The following TANC2 variants were observed in gnomAD, a reference collection of about 807,000 sequenced individuals.
The protein encoded by TANC2 is protein TANC2.
Under a neutral mutation model 210.5 loss-of-function variants are expected in TANC2, and 26 were observed. The ratio of observed to expected loss-of-function variants is 0.12; its 90% CI spans 0.09 to 0.17. The LOEUF (loss-of-function observed/expected upper bound fraction) is 0.17, where lower values mean the gene tolerates loss of function less well. Ranked by LOEUF, TANC2 falls within the 10% of genes least tolerant of loss-of-function variation. TANC2 has a pLI of 1.00. For synonymous variants in TANC2, 931 were observed against 967.1 expected, an observed-to-expected ratio of 0.96 and a Z score of 0.69; for missense variants, 2,129 against 2,608.9, an observed-to-expected ratio of 0.82 and a Z score of 4.01.
At chr17:63,303,584 C>T (rs554259018) in intron 9 of TANC2, among the ~76,000 whole-genome samples, 2 of 152,148 alleles carry the variant, frequency 1.3e-5, no homozygotes, top group South Asian at 2.1e-4. Context: ...TGGGGTTGAT[C>T]GTCTCGTGGA....
chr17:63,185,916 G>A (rs1364689927), intron 5 of TANC2, among the ~76,000 whole-genome samples: 1 of 152,060 alleles, frequency 6.6e-6, no homozygotes, highest in African/African-American at 2.4e-5. Context: ...GGTGTCTTTG[G>A]TGAAAAGATT....
chr17:63,416,594 CCTGA>C lies in TANC2; in HGVS notation c.4167+924_4167+927del, dbSNP rs1568002182. ...GACACTGGAAGGAACCTGAGTTAAA[CCTGA>C]CTGTCTCAGAGAACATAGCCATGAC... is the stretch of plus-strand genomic sequence containing the variant. On this transcript the variant is annotated intron_variant, in intron 26 of 27. Coordinates refer to ENST00000689528, the Ensembl canonical transcript of TANC2. Among the ~76,000 whole-genome samples, 3 of 152,310 alleles carry C rather than the reference CCTGA, an allele frequency of 2.0e-5. No individual in the cohort carries two copies. In the South Asian group the frequency reaches 6.2e-4, roughly 32 times the overall value.
intron 3 of TANC2, chr17:63,088,252 G>C (rs1235052442): frequency 2.0e-5 from 3 of 152,058 alleles, no homozygotes; most frequent in Non-Finnish European, 4.4e-5. Context: ...TTTCTTTCCA[G>C]TGTGACTTTT....
rs190788791 is a variant in TANC2 at position 63,370,795 on chromosome 17, A to G, written c.2583-8923A>G. Reference sequence around the variant, plus strand: ...ACTGGCAGATGGGGGAAGACAAAAAACAGTGGAAGAGTGGAAGATTCTTCT... The same window carrying G: ...ACTGGCAGATGGGGGAAGACAAAAAGCAGTGGAAGAGTGGAAGATTCTTCT... On this transcript the variant is annotated intron_variant, in intron 14 of 27. Transcript: ENST00000689528. Among the ~76,000 whole-genome samples, 40 of 152,302 alleles carry G rather than the reference A, an allele frequency of 2.6e-4. 1 individual carries two copies. Among genetic ancestry groups the G allele is most frequent in the Non-Finnish European group, 4.0e-4 (27 of 68,030 alleles).
At chr17:63,358,372 A>ATGTGT (rs1567949667) in intron 14 of TANC2, among the ~76,000 whole-genome samples, 2 of 114,936 alleles carry the variant, frequency 1.7e-5, no homozygotes, top group African/African-American at 4.0e-5. Flanking sequence ...AGAGAGAGAG[A>ATGTGT]GAGAGTATGT....
At chr17:63,145,977 T>C (rs1051356654) in intron 4 of TANC2, among the ~76,000 whole-genome samples, 2 of 152,178 alleles carry the variant, frequency 1.3e-5, no homozygotes, top group African/African-American at 4.8e-5. Context: ...AGGGATTGCA[T>C]TGAATCTATA....
At chr17:63,269,388 A>G (rs1313961550) in intron 9 of TANC2, among the ~76,000 whole-genome samples, 2 of 152,162 alleles carry the variant, frequency 1.3e-5, no homozygotes, top group Non-Finnish European at 2.9e-5. Context: ...AAGTTGATCA[A>G]GAGACCAAAT....
chr17:63,113,343 C>T (rs533269404), intron 4 of TANC2, among the ~76,000 whole-genome samples: 6 of 152,022 alleles, frequency 3.9e-5, no homozygotes, highest in Non-Finnish European at 7.4e-5. Context: ...AGAGTAACTC[C>T]CTCTCTTAGA....
chr17:63,194,384 C>T (rs533054520), intron 6 of TANC2, among the ~76,000 whole-genome samples: 15 of 152,226 alleles, frequency 9.9e-5, no homozygotes, highest in African/African-American at 2.4e-4. Flanking sequence ...AAAATTGACA[C>T]GTATATAAGC....
At chr17:63,267,452 T>C (rs1233889122) in intron 8 of TANC2, among the ~76,000 whole-genome samples, 2 of 152,168 alleles carry the variant, frequency 1.3e-5, no homozygotes, top group Non-Finnish European at 2.9e-5. Context: ...TTTGTTTTGC[T>C]TTTTGAATAG....
chr17:63,055,174 C>T (rs1421620545), intron 2 of TANC2, among the ~76,000 whole-genome samples: 1 of 152,120 alleles, frequency 6.6e-6, no homozygotes, highest in Non-Finnish European at 1.5e-5. Flanking sequence ...CATAGGAAAT[C>T]ATTATATATG....
chr17:63,031,085 T>C (rs992536733), intron 2 of TANC2, among the ~76,000 whole-genome samples: 1 of 144,308 alleles, frequency 6.9e-6, no homozygotes, highest in Non-Finnish European at 1.5e-5. Context: ...TATAGGATTT[T>C]AGTATCAGAG....
intron 5 of TANC2, among the ~76,000 whole-genome samples, chr17:63,173,067 C>T (rs2040457910): frequency 1.3e-5 from 2 of 152,116 alleles, no homozygotes; most frequent in East Asian, 1.9e-4. Context: ...CCATATCCAC[C>T]ACCTAAGATC....
chr17:63,038,385 GTTGTTCTTTTTC>G (rs2035057728), intron 2 of TANC2, among the ~76,000 whole-genome samples: 1 of 152,038 alleles, frequency 6.6e-6, no homozygotes, highest in African/African-American at 2.4e-5. Context: ...CTCATAGTTT[GTTGTTCTTTTTC>G]TACATTACTG....
chr17:63,312,107 T>C (rs778004673), intron 9 of TANC2, among the ~76,000 whole-genome samples: 1 of 152,216 alleles, frequency 6.6e-6, no homozygotes, highest in Non-Finnish European at 1.5e-5. Context: ...ATCAGTAAAA[T>C]AGTGTTTAAG....
intron 2 of TANC2, among the ~76,000 whole-genome samples, chr17:63,037,336 A>G (rs866812994): frequency 9.9e-5 from 15 of 152,144 alleles, no homozygotes; most frequent in Middle Eastern, 3.4e-3. Flanking sequence ...CACACTACTC[A>G]GTATGGGGTG....
chr17:63,314,479 C>A (rs1407699206), exon 10 of TANC2: 1 of 1,613,866 alleles, frequency 6.2e-7, no homozygotes, highest in Admixed American at 1.7e-5. Context: ...TGTTTGTTGG[C>A]CGAGATTGGG....
At chr17:63,273,453 A>G (rs1168752228) in intron 9 of TANC2, among the ~76,000 whole-genome samples, 1 of 152,186 alleles carries the variant, frequency 6.6e-6, no homozygotes, top group Non-Finnish European at 1.5e-5. Flanking sequence ...TTTATAAATA[A>G]TAGACCCATT....
chr17:63,145,864 G>T (rs1223303571), intron 4 of TANC2, among the ~76,000 whole-genome samples: 1 of 151,804 alleles, frequency 6.6e-6, no homozygotes, highest in Admixed American at 6.6e-5. Flanking sequence ...TTTCAAGATT[G>T]TTTTGACTAT....
Sources: allele counts gnomAD v4.1 joint callset (sites outside exome capture counted in the v4.1 genomes callset), GRCh38; gene constraint gnomAD v4.1.1; transcripts MANE v1.5; gene names NCBI Gene and HGNC (gene_info 2026-07-23, HGNC 2026-07-21).